The following NCAM2 variants were observed in gnomAD, a reference collection of about 807,000 sequenced individuals.
The protein encoded by NCAM2 is N-CAM-2.
A neutral mutation model predicts 98.1 loss-of-function variants in NCAM2; 30 were observed. The observed-to-expected ratio is 0.31, with a 90% CI of 0.23 to 0.41. The LOEUF is 0.41. Among genes scored for constraint, NCAM2 ranks in the 10% least tolerant of loss-of-function variants. The probability of loss-of-function intolerance (pLI) is 1.00; values close to 1 mark genes in which losing one functional copy is unlikely to be tolerated. For missense variants in NCAM2, 867 were observed against 1,005.8 expected (o/e 0.86, Z 1.87); for synonymous variants, 368 against 342.4 (o/e 1.07, Z -0.83).
chr21:21,294,017 C>T (rs1270940102), intron 5 of NCAM2, among the ~76,000 whole-genome samples: 1 of 151,264 alleles, frequency 6.6e-6, no homozygotes, highest in African/African-American at 2.4e-5. Context: ...GAAATTTATC[C>T]AGCAGGCATA....
At chr21:21,012,776 A>G (rs2064234537) in intron 1 of NCAM2, among the ~76,000 whole-genome samples, 1 of 152,006 alleles carries the variant, frequency 6.6e-6, no homozygotes, top group Non-Finnish European at 1.5e-5. Flanking sequence ...TTTTTCTGAT[A>G]GCATATGCTC....
At chr21:21,496,836 G>T (rs2146323783) in intron 15 of NCAM2, among the ~76,000 whole-genome samples, 1 of 152,214 alleles carries the variant, frequency 6.6e-6, no homozygotes. Flanking sequence ...CATTGGGCTA[G>T]CCAGTTATCC....
At position 21,508,957 on chromosome 21, in the gene NCAM2, A is replaced by G. The variant is rs1988181484; in HGVS notation, c.2184A>G (p.Gln728=). 2 of 1,613,334 alleles carry G rather than the reference A, an allele frequency of 1.2e-6. No individual in the cohort carries two copies. Among genetic ancestry groups the G allele is most frequent in the African/African-American group, 1.3e-5 (1 of 74,830 alleles). ...VTDVSCFFIR[Q]CGLLMCITRR... ...ACGTCAGCTGCTTCTTTATTCGGCAATGTGGGTTGCTGATGTGCATCACTA... is the reference window on the plus strand; with the variant it reads ...ACGTCAGCTGCTTCTTTATTCGGCAGTGTGGGTTGCTGATGTGCATCACTA... The change falls in exon 16 of 18, where the codon CAA becomes CAG. Residue 728 remains glutamine, a synonymous_variant. Transcript: ENST00000400546.
intron 1 of NCAM2, among the ~76,000 whole-genome samples, chr21:21,020,692 C>G (rs140897433): frequency 4.6e-5 from 7 of 152,334 alleles, no homozygotes; most frequent in African/African-American, 1.4e-4. Context: ...ACCAGGTTTC[C>G]TGATTCGAGC....
intron 12 of NCAM2, among the ~76,000 whole-genome samples, chr21:21,449,439 A>T (rs1003042678): frequency 6.6e-6 from 1 of 151,934 alleles, no homozygotes; most frequent in African/African-American, 2.4e-5. Flanking sequence ...TTAAAATTCA[A>T]TGTACATATG....
intron 1 of NCAM2, among the ~76,000 whole-genome samples, chr21:21,117,971 A>G (rs777875981): frequency 5.3e-5 from 8 of 152,214 alleles, no homozygotes; most frequent in Non-Finnish European, 1.2e-4. Flanking sequence ...TATGACTTTT[A>G]AATATATTAA....
chr21:21,500,961 C>A (rs1198649717), intron 15 of NCAM2, among the ~76,000 whole-genome samples: 3 of 151,878 alleles, frequency 2.0e-5, no homozygotes, highest in African/African-American at 7.2e-5. Context: ...TCTCAATATC[C>A]CCACCATTTT....
At chr21:21,286,070 G>C (rs184279968) in intron 3 of NCAM2, among the ~76,000 whole-genome samples, 199 bp from the exon 4 acceptor site, 7 of 152,064 alleles carry the variant, frequency 4.6e-5, no homozygotes, top group African/African-American at 1.4e-4. Flanking sequence ...GGCATTGAAA[G>C]ATCTTTGGAT....
At chr21:21,138,469 A>C (rs2067104706) in intron 1 of NCAM2, among the ~76,000 whole-genome samples, 1 of 151,606 alleles carries the variant, frequency 6.6e-6, no homozygotes, top group African/African-American at 2.4e-5. Context: ...CTACATCTCT[A>C]GTGTATTTAT....
chr21:21,150,360 A>C (rs1297683747), intron 1 of NCAM2, among the ~76,000 whole-genome samples: 2 of 152,104 alleles, frequency 1.3e-5, no homozygotes, highest in Non-Finnish European at 2.9e-5. Flanking sequence ...TCTGCTGCCT[A>C]GGGATTCCAG....
chr21:21,143,804 G>GTT (rs201614786), intron 1 of NCAM2, among the ~76,000 whole-genome samples: 30,252 of 123,176 alleles, frequency 0.25, 4,648 homozygotes, highest in East Asian at 0.35. Flanking sequence ...TTTTTAGGAA[G>GTT]TTTTTTTTTT....
intron 1 of NCAM2, among the ~76,000 whole-genome samples, chr21:21,007,839 T>C (rs1285441586): frequency 5.3e-5 from 8 of 152,170 alleles, no homozygotes; most frequent in Non-Finnish European, 7.4e-5. Flanking sequence ...TTAGAATGCC[T>C]AATCATCTGG....
intron 1 of NCAM2, among the ~76,000 whole-genome samples, chr21:21,201,013 T>G (rs1334489219): frequency 6.6e-6 from 1 of 152,128 alleles, no homozygotes; most frequent in East Asian, 1.9e-4. Context: ...TTAATATATA[T>G]TTTCACTTTC....
intron 1 of NCAM2, among the ~76,000 whole-genome samples, chr21:21,005,708 A>G (rs769036589): frequency 2.6e-5 from 4 of 151,836 alleles, no homozygotes; most frequent in Non-Finnish European, 4.4e-5. Flanking sequence ...TTTTCATTAT[A>G]TATTCTTCAT....
chr21:21,443,232 C>T (rs1224119594), intron 12 of NCAM2, among the ~76,000 whole-genome samples: 4 of 152,172 alleles, frequency 2.6e-5, no homozygotes, highest in African/African-American at 4.8e-5. Context: ...ACAATGAGAA[C>T]ACATGGACAG....
chr21:21,015,813 C>T (rs1401256467), intron 1 of NCAM2, among the ~76,000 whole-genome samples: 2 of 152,164 alleles, frequency 1.3e-5, no homozygotes, highest in East Asian at 3.9e-4. Context: ...AAGCAATTCT[C>T]CTGCCGTAGC....
intron 12 of NCAM2, among the ~76,000 whole-genome samples, chr21:21,456,100 T>C (rs1982105125): frequency 6.6e-6 from 1 of 152,164 alleles, no homozygotes; most frequent in African/African-American, 2.4e-5. Context: ...TTCTGTGTGA[T>C]TTGGTATGTT....
At chr21:21,304,431 T>C (rs1012738970) in intron 5 of NCAM2, among the ~76,000 whole-genome samples, 13 of 152,072 alleles carry the variant, frequency 8.5e-5, no homozygotes, top group African/African-American at 2.9e-4. Context: ...TATTTTAATA[T>C]ATGTGTTTTA....
intron 1 of NCAM2, among the ~76,000 whole-genome samples, chr21:21,107,399 T>A (rs990820379): frequency 1.3e-5 from 2 of 152,088 alleles, no homozygotes; most frequent in African/African-American, 2.4e-5. Context: ...CATGCAAGGT[T>A]AATAGACATA....
Sources: gnomAD v4.1 joint callset for allele counts (sites outside exome capture counted in the v4.1 genomes callset) on GRCh38, gnomAD v4.1.1 for gene constraint, MANE v1.5 for transcripts, NCBI Gene and HGNC (gene_info 2026-07-23, HGNC 2026-07-21) for gene names.